The following PRKN variants were observed in gnomAD, a reference collection of about 807,000 sequenced individuals.
PRKN encodes E3 ubiquitin-protein ligase parkin.
Under a neutral mutation model 59.5 loss-of-function variants are expected in PRKN, and 56 were observed. The observed-to-expected ratio is 0.94, with a 90% confidence interval of 0.76 to 1.18. The LOEUF (loss-of-function observed/expected upper bound fraction) is 1.18, where lower values mean the gene tolerates loss of function less well. Ranked by LOEUF, PRKN falls within the 50% of genes most tolerant of loss-of-function variation. The pLI, the probability that PRKN is intolerant of heterozygous loss-of-function variation, is 0.00. For synonymous variants in PRKN, 250 were observed against 222.1 expected, an observed-to-expected ratio of 1.13 and a Z score of -1.12; for missense variants, 657 against 596.4, an observed-to-expected ratio of 1.10 and a Z score of -1.06.
intron 9 of PRKN, among the ~76,000 whole-genome samples, chr6:161,394,287 C>T (rs947957936): frequency 5.3e-5 from 8 of 151,910 alleles, no homozygotes; most frequent in Admixed American, 5.2e-4. Flanking sequence ...AGACAGTGTT[C>T]TATGTGTGGT....
chr6:162,112,994 G>A lies in PRKN; in HGVS notation c.535-58820C>T, dbSNP rs150458132. Among the ~76,000 whole-genome samples, 729 of 152,150 alleles carry A rather than the reference G, an allele frequency of 4.8e-3. 4 individuals carry two copies. Among genetic ancestry groups the A allele is most frequent in the African/African-American group, 0.016 (678 of 41,514 alleles). On this transcript the variant is annotated intron_variant, in intron 4 of 11. Coordinates refer to ENST00000366898, the MANE Select transcript of PRKN (RefSeq NM_004562.3). ...AGAGAACTGATTCACCGATTTCATC[G>A]TTTAAAACCAATGCAATACTTTCAT...
intron 1 of PRKN, among the ~76,000 whole-genome samples, chr6:162,544,496 A>G (rs886948962): frequency 1.3e-5 from 2 of 152,152 alleles, no homozygotes; most frequent in African/African-American, 4.8e-5. Context: ...GCAGACTTTT[A>G]GTGACCACAG....
At chr6:162,433,756 A>C (rs1467881651) in intron 2 of PRKN, among the ~76,000 whole-genome samples, 1 of 152,216 alleles carries the variant, frequency 6.6e-6, no homozygotes, top group African/African-American at 2.4e-5. Context: ...GATGGAATGC[A>C]AACACACAGA....
chr6:162,347,687 C>G (rs1784461048), intron 2 of PRKN, among the ~76,000 whole-genome samples: 1 of 152,040 alleles, frequency 6.6e-6, no homozygotes, highest in Non-Finnish European at 1.5e-5. Context: ...TTATCTATGG[C>G]TCCCTCTTAT....
intron 1 of PRKN, among the ~76,000 whole-genome samples, chr6:162,570,000 T>A (rs1210684201): frequency 1.3e-5 from 2 of 151,936 alleles, no homozygotes; most frequent in African/African-American, 2.4e-5. Context: ...AAGGATACAA[T>A]CAACAAAGTG....
chr6:161,879,148 T>C (rs1794838288), intron 6 of PRKN, among the ~76,000 whole-genome samples: 1 of 152,134 alleles, frequency 6.6e-6, no homozygotes, highest in South Asian at 2.1e-4. Context: ...GAAGCACTGC[T>C]AATTAACTGA....
chr6:162,333,712 C>T (rs543206906), intron 2 of PRKN, among the ~76,000 whole-genome samples: 58 of 152,096 alleles, frequency 3.8e-4, no homozygotes, highest in Non-Finnish European at 5.6e-4. Context: ...AATGCTACGA[C>T]GGCATCTAAA....
chr6:162,312,293 G>T (rs1583358455), intron 2 of PRKN, among the ~76,000 whole-genome samples: 1 of 152,044 alleles, frequency 6.6e-6, no homozygotes, highest in Admixed American at 6.6e-5. Context: ...AGACTTGCTG[G>T]CCTTTGTTTC....
intron 3 of PRKN, among the ~76,000 whole-genome samples, chr6:162,261,907 C>T (rs1012822855): frequency 6.6e-6 from 1 of 152,126 alleles, no homozygotes; most frequent in Non-Finnish European, 1.5e-5. Context: ...CTTTCTGACA[C>T]TGTGAAGGCC....
In PRKN at chr6:161,809,033, G is replaced by A. The variant is rs559131084; in HGVS notation, c.735-23125C>T. Among the ~76,000 whole-genome samples, 417 of 152,164 alleles carry A rather than the reference G, an allele frequency of 2.7e-3. 2 individuals are homozygous for A. The highest frequency in any genetic ancestry group is 4.6e-3 in the Non-Finnish European group (310 of 68,008). On this transcript the variant is annotated intron_variant, in intron 6 of 11. Coordinates refer to ENST00000366898, the MANE Select transcript of PRKN (RefSeq NM_004562.3). ...TTTTTGTATATTTTGTAGAGATGGG[G>A]TTTCTACTTGTTGCCAAGGCTGATC...
At position 161,782,724 on chromosome 6, in the gene PRKN, T is replaced by A. The variant is rs1268660582; in HGVS notation, c.871+3048A>T. Among the ~76,000 whole-genome samples the A allele has an allele frequency of 2.0e-5, 3 of 151,702 alleles. No homozygotes were observed. The East Asian group carries it at 5.8e-4, about 29-fold the overall frequency. On this transcript the variant is annotated intron_variant, in intron 7 of 11. Coordinates refer to ENST00000366898, the MANE Select transcript of PRKN (RefSeq NM_004562.3). ...GCCTGGTTAACATGGCGAAACCCCA[T>A]CTCTACTAAAAATACAAAAATTAGC...
At chr6:162,176,381 G>A (rs1016321453) in intron 4 of PRKN, among the ~76,000 whole-genome samples, 2 of 152,168 alleles carry the variant, frequency 1.3e-5, no homozygotes, top group South Asian at 2.1e-4. Context: ...GAGCCACACC[G>A]TCTCGTGGAT....
At chr6:162,386,671 C>T (rs375611009) in intron 2 of PRKN, among the ~76,000 whole-genome samples, 4 of 152,138 alleles carry the variant, frequency 2.6e-5, no homozygotes, top group East Asian at 1.9e-4. Context: ...GTGAAATATG[C>T]GTGTACGTAC....
rs1167770858 is a variant in PRKN at position 161,417,441 on chromosome 6, G to A, written c.1084-30564C>T. 6.4e-5 allele frequency among the ~76,000 whole-genome samples: 8 copies of A among 125,396 alleles called. No homozygotes were observed. The highest frequency in any genetic ancestry group is 9.9e-5 in the Non-Finnish European group (6 of 60,550). The allele number at this position is 125,396 out of a possible 152,430, so 82.3% of individuals were successfully genotyped here. A position where few individuals can be genotyped will look rare whatever the true frequency, so the allele number is the denominator to read the frequency against. On this transcript the variant is annotated intron_variant, in intron 9 of 11. Transcript: ENST00000366898. The surrounding 1 kb of genome is among the most constrained non-coding windows in gnomAD (Gnocchi z 5.4). ...CTCCAGCCTGGCAACAGAGCCAGAC[G>A]CCGTTTCAAAAAAAAAAAAAAAAAG... is the stretch of plus-strand genomic sequence containing the variant.
chr6:161,874,225 T>TTATATATAATATATAATATATAA (rs1794523048), intron 6 of PRKN, among the ~76,000 whole-genome samples: 2 of 26,768 alleles, frequency 7.5e-5, no homozygotes, highest in African/African-American at 2.8e-4. Flanking sequence ...ATAATATATA[T>TTATATATAATATATAATATATAA]TATATATAAT....
At chr6:162,478,641 C>T (rs753860913) in intron 1 of PRKN, among the ~76,000 whole-genome samples, 3 of 152,024 alleles carry the variant, frequency 2.0e-5, no homozygotes, top group South Asian at 4.2e-4. Flanking sequence ...TTAAGAATTG[C>T]GTTGTTAGGG....
At chr6:162,328,702 T>C (rs893995556) in intron 2 of PRKN, among the ~76,000 whole-genome samples, 2 of 152,132 alleles carry the variant, frequency 1.3e-5, no homozygotes, top group Non-Finnish European at 2.9e-5. Flanking sequence ...CAAGCCTTGG[T>C]GAAGCTTCAG....
At chr6:162,257,882 A>G (rs1441210268) in intron 3 of PRKN, among the ~76,000 whole-genome samples, 1 of 152,070 alleles carries the variant, frequency 6.6e-6, no homozygotes, top group Non-Finnish European at 1.5e-5. Flanking sequence ...CCATTGTTCA[A>G]AAGTCAAATT....
rs1343235388 is a variant in PRKN, at chr6:161,373,181, C to G, written c.1168-12976G>C. Among the ~76,000 whole-genome samples the G allele has an allele frequency of 6.6e-6, 1 of 152,038 alleles. No individual in the cohort carries two copies. The highest frequency in any genetic ancestry group is 1.5e-5 in the Non-Finnish European group (1 of 68,012). On this transcript the variant is annotated intron_variant, in intron 10 of 11. Coordinates refer to ENST00000366898, the MANE Select transcript of PRKN (RefSeq NM_004562.3). The surrounding 1 kb of genome is among the most constrained non-coding windows in gnomAD (Gnocchi z 4.8). ...AGGCCTTCCATGGACTGGGTGAGGC[C>G]CACCCACATTATAGAGGGTCATCTC...
Sources: allele counts gnomAD v4.1 joint callset (sites outside exome capture counted in the v4.1 genomes callset), GRCh38; gene constraint gnomAD v4.1.1; non-coding constraint Gnocchi (gnomAD v3.1); transcripts MANE v1.5; gene names NCBI Gene and HGNC (gene_info 2026-07-23, HGNC 2026-07-21).